WDPCP: variants seen among roughly 807,000 people sequenced by gnomAD.
The protein encoded by WDPCP is WD repeat-containing and planar cell polarity effector protein fritz homolog.
In WDPCP, 71 loss-of-function variants were observed where a neutral mutation model predicts 93.1. The ratio of observed to expected loss-of-function variants is 0.76; its 90% CI spans 0.63 to 0.93. WDPCP has a LOEUF of 0.93. WDPCP is among the 40% of genes least tolerant of loss of function. WDPCP has a pLI of 0.00. For synonymous variants in WDPCP, 315 were observed against 315.0 expected, an observed-to-expected ratio of 1.00 and a Z score of 0.00; for missense variants, 844 against 887.4, an observed-to-expected ratio of 0.95 and a Z score of 0.62.
chr2:63,408,562 G>T (rs1214379736), intron 9 of WDPCP, among the ~76,000 whole-genome samples: 1 of 152,088 alleles, frequency 6.6e-6, no homozygotes, highest in Non-Finnish European at 1.5e-5. Context: ...GTAACAATTC[G>T]AACAGGACAA....
At chr2:63,174,118 G>A (rs1673613597) in intron 15 of WDPCP, among the ~76,000 whole-genome samples, 4 of 152,076 alleles carry the variant, frequency 2.6e-5, no homozygotes, top group Admixed American at 2.0e-4. Context: ...CAAAAAGCTT[G>A]CTGACCCTTG....
At position 63,379,202 on chromosome 2, in the gene WDPCP, T is replaced by C. The variant is rs545238282; in HGVS notation, c.1625-693A>G. On this transcript the variant is annotated intron_variant, in intron 11 of 17. Coordinates refer to ENST00000272321, the MANE Select transcript of WDPCP (RefSeq NM_015910.7). ...ACCAAGACATGCTCATGGGACTAGG[T>C]TTTTTCCCAGAAATACCTGGAAGTT... Among the ~76,000 whole-genome samples, 14 of 152,124 alleles carry C rather than the reference T, an allele frequency of 9.2e-5. No homozygotes were observed. In the South Asian group the frequency reaches 2.1e-3, roughly 23 times the overall value.
At chr2:63,721,991 G>T (rs1449512163) in intron 2 of WDPCP, among the ~76,000 whole-genome samples, 1 of 149,142 alleles carries the variant, frequency 6.7e-6, no homozygotes, top group Non-Finnish European at 1.5e-5. Context: ...TCGGCCTCCC[G>T]AGGTGCCGGG....
intron 1 of WDPCP, among the ~76,000 whole-genome samples, chr2:63,579,778 CAG>C (rs1264557674): frequency 6.6e-6 from 1 of 151,978 alleles, no homozygotes; most frequent in East Asian, 1.9e-4. Context: ...GATAGACAGA[CAG>C]ACAGACAGAC....
chr2:63,645,381 C>T (rs1214626559), intron 3 of WDPCP, among the ~76,000 whole-genome samples: 1 of 151,976 alleles, frequency 6.6e-6, no homozygotes, highest in African/African-American at 2.4e-5. Flanking sequence ...GATAGTATTT[C>T]AATTTTTTTT....
At chr2:63,615,447 G>A (rs539698046) in intron 3 of WDPCP, among the ~76,000 whole-genome samples, 1 of 152,264 alleles carries the variant, frequency 6.6e-6, no homozygotes, top group African/African-American at 2.4e-5. Flanking sequence ...CCAAGGAGCC[G>A]TCTGCATAAT....
At chr2:63,511,474 A>G (rs779260337) in intron 1 of WDPCP, among the ~76,000 whole-genome samples, 2 of 152,228 alleles carry the variant, frequency 1.3e-5, no homozygotes, top group Admixed American at 6.5e-5. Context: ...AGCTGAAGGC[A>G]TCATGCTACC....
chr2:63,343,769 T>C (rs1689009274), intron 12 of WDPCP, among the ~76,000 whole-genome samples: 2 of 152,228 alleles, frequency 1.3e-5, no homozygotes, highest in Non-Finnish European at 2.9e-5. Flanking sequence ...CCTATTTTAA[T>C]GCTTCTTCTG....
intron 10 of WDPCP, among the ~76,000 whole-genome samples, chr2:63,400,057 G>T (rs1237837833): frequency 7.2e-6 from 1 of 138,486 alleles, no homozygotes. Flanking sequence ...TTCCATAAAG[G>T]GTTTTAAAAT....
At chr2:63,228,577 C>A (rs1678519356) in intron 14 of WDPCP, 1 of 151,436 alleles carries the variant, frequency 6.6e-6, no homozygotes, top group African/African-American at 2.4e-5. Context: ...TGCTATCCCT[C>A]CCCCCTACCC....
At chr2:63,814,968 A>G (rs985772088) in intron 1 of WDPCP, among the ~76,000 whole-genome samples, 1 of 152,248 alleles carries the variant, frequency 6.6e-6, no homozygotes, top group African/African-American at 2.4e-5. Context: ...AGAAGTTTCA[A>G]AGTAATTCTA....
intron 1 of WDPCP, among the ~76,000 whole-genome samples, chr2:63,532,583 C>A (rs1362788917): frequency 1.3e-5 from 2 of 152,106 alleles, no homozygotes; most frequent in East Asian, 3.9e-4. Flanking sequence ...GAATTTTCAA[C>A]CCAGAATTTC....
chr2:63,680,205 G>A (rs2103628492), intron 2 of WDPCP, among the ~76,000 whole-genome samples: 1 of 152,328 alleles, frequency 6.6e-6, no homozygotes, highest in Non-Finnish European at 1.5e-5. Context: ...ATTGTCGTAA[G>A]AACCAAAAAT....
intron 2 of WDPCP, among the ~76,000 whole-genome samples, chr2:63,781,759 G>A (rs1294873709): frequency 3.3e-5 from 5 of 152,236 alleles, no homozygotes; most frequent in Non-Finnish European, 5.9e-5. Flanking sequence ...AGGCAGCAGC[G>A]TGTCCCCGAA....
At chr2:63,468,728 C>A (rs905658345) in intron 6 of WDPCP, among the ~76,000 whole-genome samples, 2 of 152,116 alleles carry the variant, frequency 1.3e-5, no homozygotes, top group Non-Finnish European at 2.9e-5. Context: ...GTATGTTTTT[C>A]TTTCTGTCTG....
intron 6 of WDPCP, among the ~76,000 whole-genome samples, chr2:63,458,031 G>A (rs756139389): frequency 6.6e-6 from 1 of 151,710 alleles, no homozygotes; most frequent in Non-Finnish European, 1.5e-5. Flanking sequence ...GGCTGAGGCA[G>A]GAGAATCGCT....
At chr2:63,566,611 C>A (rs968005283) in intron 1 of WDPCP, among the ~76,000 whole-genome samples, 2 of 152,190 alleles carry the variant, frequency 1.3e-5, no homozygotes, top group Admixed American at 1.3e-4. Context: ...TCTGGGTTCA[C>A]ACTTCTGACA....
rs564885911 is a variant in WDPCP at position 63,515,880 on chromosome 2, C to T, written c.76-22940G>A. The stretch of plus-strand genomic sequence containing the variant: ...ACTAAAAATACAAAAATTAGCTGGG[C>T]GTGGTGGTGCACGTCTGTAATCCCA... On this transcript the variant is annotated intron_variant, in intron 1 of 17. Coordinates refer to ENST00000272321, the MANE Select transcript of WDPCP (RefSeq NM_015910.7). 5.9e-5 allele frequency among the ~76,000 whole-genome samples: 9 copies of T among 152,042 alleles called. No individual in the cohort carries two copies. In the East Asian group the frequency reaches 1.7e-3, roughly 29 times the overall value.
intron 2 of WDPCP, among the ~76,000 whole-genome samples, chr2:63,730,588 C>T (rs1038617489): frequency 2.6e-5 from 4 of 152,058 alleles, no homozygotes; most frequent in Non-Finnish European, 5.9e-5. Context: ...CTTAGCCTCC[C>T]GAGTAGCTGG....
Sources: gnomAD v4.1 joint callset for allele counts (sites outside exome capture counted in the v4.1 genomes callset) on GRCh38, gnomAD v4.1.1 for gene constraint, MANE v1.5 for transcripts, NCBI Gene and HGNC (gene_info 2026-07-23, HGNC 2026-07-21) for gene names.